The following ZNF763 variants were observed in gnomAD, a reference collection of about 807,000 sequenced individuals.
ZNF763 encodes the protein DNA-binding protein.
ZNF763 carries 33 observed loss-of-function variants against 38.0 expected under a neutral mutation model. The ratio of observed to expected loss-of-function variants is 0.87; its 90% CI spans 0.66 to 1.16. The LOEUF is 1.16. Ranked by LOEUF, ZNF763 falls within the 50% of genes most tolerant of loss-of-function variation. The pLI is 0.00. For synonymous variants in ZNF763, 155 were observed against 160.1 expected (o/e 0.97, Z 0.24); for missense variants, 423 against 469.1 (o/e 0.90, Z 0.91).
At chr19:11,971,001 C>A (rs1447144072) in intron 1 of ZNF763, among the ~76,000 whole-genome samples, 4 of 152,098 alleles carry the variant, frequency 2.6e-5, no homozygotes, top group Non-Finnish European at 5.9e-5. Flanking sequence ...ATTGGTCTGT[C>A]CTTCCATCTC....
chr19:11,968,083 A>G (rs1308962537), intron 1 of ZNF763, among the ~76,000 whole-genome samples: 1 of 152,188 alleles, frequency 6.6e-6, no homozygotes, highest in African/African-American at 2.4e-5. Flanking sequence ...TGTTATGACC[A>G]TGGGTTGTGA....
chr19:11,970,129 C>T (rs1200932449), intron 1 of ZNF763, among the ~76,000 whole-genome samples: 1 of 152,226 alleles, frequency 6.6e-6, no homozygotes, highest in East Asian at 1.9e-4. Flanking sequence ...TGTCTCCCAA[C>T]TCCACTTTCC....
intron 1 of ZNF763, among the ~76,000 whole-genome samples, chr19:11,971,673 G>A (rs1240614728): frequency 1.3e-5 from 2 of 152,084 alleles, no homozygotes; most frequent in African/African-American, 2.4e-5. Flanking sequence ...TCCATTTATT[G>A]CATTTTATAT....
chr19:11,974,126 T>TTTTCTTTCTTTCTTTC (rs369346711), intron 1 of ZNF763, among the ~76,000 whole-genome samples: 5 of 55,028 alleles, frequency 9.1e-5, no homozygotes, highest in East Asian at 7.0e-4. Context: ...TCTTTCTTTC[T>TTTTCTTTCTTTCTTTC]TTTCTTTCTT....
Position 11,979,394 on chromosome 19 carries a change from T to G in ZNF763, c.*285T>G. On this transcript the variant is annotated 3_prime_UTR_variant, in exon 4 of 4. Transcript: ENST00000358987. ...ATGTGGGAAAGCCTTCAGATCTGCC[T>G]CACACCTTCAAATTCATGAAAGGAC... 6.2e-7 allele frequency: 1 copy of G among 1,602,738 alleles called. No individual in the cohort carries two copies. Among genetic ancestry groups the G allele is most frequent in the South Asian group, 1.1e-5 (1 of 90,688 alleles).
chr19:11,979,591 G>T lies in ZNF763; in HGVS notation c.*482G>T. The T allele has an allele frequency of 6.2e-7, 1 of 1,601,278 alleles. No homozygotes were observed. The highest frequency in any genetic ancestry group is 2.2e-5 in the East Asian group (1 of 44,596). ...CCTTCAGTAGTTCCAGTTCCTTTTG[G>T]TACCATGAAAGGACTCACACTGGAG... On this transcript the variant is annotated 3_prime_UTR_variant, in exon 4 of 4. Coordinates refer to ENST00000358987, the MANE Select transcript of ZNF763 (RefSeq NM_001367172.2).
intron 1 of ZNF763, among the ~76,000 whole-genome samples, chr19:11,974,059 T>A (rs947694175): frequency 6.7e-6 from 1 of 149,266 alleles, no homozygotes; most frequent in Admixed American, 6.6e-5. Context: ...TTTCTTTCTT[T>A]CCTTCTTTCT....
At chr19:11,967,561 G>A (rs867554345) in intron 1 of ZNF763, among the ~76,000 whole-genome samples, 7 of 151,952 alleles carry the variant, frequency 4.6e-5, no homozygotes, top group Admixed American at 6.6e-5. Context: ...CCGCCACCAC[G>A]CTCGGCTAAT....
chr19:11,967,039 T>C (rs985083832), intron 1 of ZNF763, among the ~76,000 whole-genome samples: 5 of 152,270 alleles, frequency 3.3e-5, no homozygotes, highest in Admixed American at 3.3e-4. Flanking sequence ...AGAGAGTTTA[T>C]TGAAAGCTAC....
In ZNF763 at chr19:11,979,199, T is replaced by C. The variant is rs1973567554; in HGVS notation, c.*90T>C. 3.8e-5 allele frequency: 61 copies of C among 1,607,912 alleles called. No individual in the cohort carries two copies. Among genetic ancestry groups the C allele is most frequent in the Non-Finnish European group, 5.0e-5 (59 of 1,178,080 alleles). On this transcript the variant is annotated 3_prime_UTR_variant, in exon 4 of 4. Transcript: ENST00000358987. ...ACTGGAGAGAAACCCTATAAATGCA[T>C]GCCATGTGGTAAAGCCTTCAATCTT... is the stretch of plus-strand genomic sequence containing the variant.
At chr19:11,966,645 A>T (rs186043666) in intron 1 of ZNF763, among the ~76,000 whole-genome samples, 9 of 152,230 alleles carry the variant, frequency 5.9e-5, no homozygotes, top group Non-Finnish European at 1.2e-4. Context: ...GTGTGCGGGG[A>T]TTACAGATGT....
intron 1 of ZNF763, among the ~76,000 whole-genome samples, chr19:11,969,314 A>G (rs1439420513): frequency 3.3e-5 from 5 of 152,216 alleles, no homozygotes; most frequent in Non-Finnish European, 5.9e-5. Context: ...CACGTTCGCC[A>G]GGCTGGTCTT....
chr19:11,967,664 A>G (rs1315595766), intron 1 of ZNF763, among the ~76,000 whole-genome samples: 1 of 152,114 alleles, frequency 6.6e-6, no homozygotes, highest in African/African-American at 2.4e-5. Context: ...CGGCCTCCCA[A>G]AGTGCTGGGA....
chr19:11,969,652 A>G (rs1431459803), intron 1 of ZNF763, among the ~76,000 whole-genome samples: 4 of 151,908 alleles, frequency 2.6e-5, no homozygotes, highest in East Asian at 1.9e-4. Flanking sequence ...TTCCCCTTAC[A>G]TTTTCCAAAT....
rs1014649093 is a variant in ZNF763, at chr19:11,979,498, G to A, written c.*389G>A. ...GTGGGAAAGGCTTTTATTCTCCCAC[G>A]TCATTTCAAAGACATGAAAAAACTC... On this transcript the variant is annotated 3_prime_UTR_variant, in exon 4 of 4. Coordinates refer to ENST00000358987, the MANE Select transcript of ZNF763 (RefSeq NM_001367172.2). 6.4e-5 allele frequency: 102 copies of A among 1,600,894 alleles called. No individual in the cohort carries two copies. The highest frequency in any genetic ancestry group is 5.0e-4 in the Middle Eastern group (3 of 6,032).
rs1236009022 is a variant in ZNF763, at chr19:11,979,667, A to G, written c.*558A>G. The G allele has an allele frequency of 8.2e-6, 13 of 1,588,106 alleles. No individual in the cohort carries two copies. The highest frequency in any genetic ancestry group is 2.8e-5 in the African/African-American group (2 of 71,018). ...TGGGAAAGCCTTCAGATCTGCCTCA[A>G]TCCTTCAAATGCATGCTGGGACTCA... is the stretch of plus-strand genomic sequence containing the variant. On this transcript the variant is annotated 3_prime_UTR_variant, in exon 4 of 4. Coordinates refer to ENST00000358987, the MANE Select transcript of ZNF763 (RefSeq NM_001367172.2).
chr19:11,976,924 G>A (rs767499723), intron 1 of ZNF763, 114 bp from the exon 2 acceptor site: 3 of 1,549,042 alleles, frequency 1.9e-6, no homozygotes, highest in East Asian at 2.3e-5. Context: ...GGGATGTGAT[G>A]ACCAAAGCAG....
chr19:11,979,881 C>T lies in ZNF763; in HGVS notation c.*772C>T. ...ACACAAACACACGTAAGAATGCACTCTGTAGAAAGACCTTATAAATGTAAG... is the reference window on the plus strand; with the variant it reads ...ACACAAACACACGTAAGAATGCACTTTGTAGAAAGACCTTATAAATGTAAG... On this transcript the variant is annotated 3_prime_UTR_variant, in exon 4 of 4. Coordinates refer to ENST00000358987, the MANE Select transcript of ZNF763 (RefSeq NM_001367172.2). 1 of 1,442,594 alleles carries T rather than the reference C, an allele frequency of 6.9e-7. No homozygotes were observed. The highest frequency in any genetic ancestry group is 9.7e-7 in the Non-Finnish European group (1 of 1,028,546). The allele number at this position is 1,442,594 out of a possible 1,614,324, so 89.4% of individuals were successfully genotyped here.
chr19:11,976,555 C>CAA (rs1197877281), intron 1 of ZNF763, among the ~76,000 whole-genome samples: 5,450 of 73,512 alleles, frequency 0.074, 347 homozygotes, highest in African/African-American at 0.16. Flanking sequence ...GACTCTGTCT[C>CAA]AAAAAAAAAA....
Sources: gnomAD v4.1 joint callset for allele counts (sites outside exome capture counted in the v4.1 genomes callset) on GRCh38, gnomAD v4.1.1 for gene constraint, MANE v1.5 for transcripts, NCBI Gene and HGNC (gene_info 2026-07-23, HGNC 2026-07-21) for gene names.